Variants in CALN1 observed in about 807,000 individuals in gnomAD.
CALN1 encodes calcium-binding protein 8.
A neutral mutation model predicts 30.6 loss-of-function variants in CALN1; 17 were observed. The observed-to-expected ratio is 0.56, with a 90% CI of 0.38 to 0.83. The LOEUF is 0.83. CALN1 is among the 40% of genes least tolerant of loss of function. CALN1 has a pLI of 0.00. For missense variants in CALN1, 291 were observed against 354.9 expected, an observed-to-expected ratio of 0.82 and a Z score of 1.45; for synonymous variants, 156 against 131.4, an observed-to-expected ratio of 1.19 and a Z score of -1.28.
Position 71,974,043 on chromosome 7 carries a change from A to G in CALN1, c.501+49614T>C, listed in dbSNP as rs548524435. ...AGTAGTCCAGGCTGGCCTTCCCTGC[A>G]TAGTCTGAATTGATGTAATTCAACC... On this transcript the variant is annotated intron_variant, in intron 5 of 6. Transcript: ENST00000395275. 1.1e-4 allele frequency among the ~76,000 whole-genome samples: 17 copies of G among 152,328 alleles called. 1 individual carries two copies. In the South Asian group the frequency reaches 3.3e-3, roughly 30 times the overall value.
At chr7:71,821,149 AGAT>A (rs1788563047) in intron 5 of CALN1, among the ~76,000 whole-genome samples, 2 of 152,214 alleles carry the variant, frequency 1.3e-5, no homozygotes, top group South Asian at 4.1e-4. Context: ...ATTTGCATAC[AGAT>A]GATGATAAAG....
At chr7:72,216,799 T>C (rs1307480160) in intron 3 of CALN1, among the ~76,000 whole-genome samples, 3 of 152,186 alleles carry the variant, frequency 2.0e-5, no homozygotes, top group Non-Finnish European at 4.4e-5. Context: ...TCACCCAGGC[T>C]GGAGTTCAGT....
chr7:72,108,454 T>C (rs928911703), intron 3 of CALN1, among the ~76,000 whole-genome samples: 1 of 152,230 alleles, frequency 6.6e-6, no homozygotes, highest in African/African-American at 2.4e-5. Flanking sequence ...CTTCTTCTTT[T>C]CCCTGCCCAA....
chr7:72,141,241 A>G (rs764133336), intron 3 of CALN1, among the ~76,000 whole-genome samples: 4 of 152,098 alleles, frequency 2.6e-5, no homozygotes, highest in African/African-American at 4.8e-5. Flanking sequence ...GCAGTGAGCC[A>G]TGATTGCACC....
the CALN1 span, among the ~76,000 whole-genome samples, chr7:72,475,229 C>T: frequency 2.6e-5 from 4 of 152,072 alleles, no homozygotes; most frequent in South Asian, 4.2e-4. Flanking sequence ...TTTGGGAGGT[C>T]GAGGCGGGTG....
At position 72,171,587 on chromosome 7, in the gene CALN1, G is replaced by C. The variant is rs78944034; in HGVS notation, c.245-65293C>G. ...CTGAAAACCTGTATTATTTAGCCTCGTATGTTCTCAGTACAAACTTGTTCA... is the reference window on the plus strand; with the variant it reads ...CTGAAAACCTGTATTATTTAGCCTCCTATGTTCTCAGTACAAACTTGTTCA... On this transcript the variant is annotated intron_variant, in intron 3 of 6. Transcript: ENST00000395275. Among the ~76,000 whole-genome samples the C allele has an allele frequency of 3.3e-3, 501 of 152,158 alleles. 2 individuals carry two copies. The highest frequency in any genetic ancestry group is 0.01 in the African/African-American group (425 of 41,502).
At chr7:72,330,244 G>A (rs1037195256) in intron 2 of CALN1, among the ~76,000 whole-genome samples, 5 of 152,046 alleles carry the variant, frequency 3.3e-5, no homozygotes, top group African/African-American at 1.2e-4. Context: ...AGGGAGTTGA[G>A]ATCATGCCAC....
intron 2 of CALN1, among the ~76,000 whole-genome samples, chr7:72,298,792 T>G (rs1799039802): frequency 9.2e-6 from 1 of 108,574 alleles, no homozygotes. Flanking sequence ...TCTCAAGAGA[T>G]CTGATGGTTT....
chr7:72,322,462 C>G (rs1800954866), intron 2 of CALN1, among the ~76,000 whole-genome samples: 1 of 152,110 alleles, frequency 6.6e-6, no homozygotes, highest in African/African-American at 2.4e-5. Context: ...GGGTTGGGGA[C>G]TTGTTTAGAC....
chr7:71,801,421 T>TATGC (rs1453109698), intron 6 of CALN1, among the ~76,000 whole-genome samples: 2 of 113,646 alleles, frequency 1.8e-5, no homozygotes, highest in African/African-American at 5.8e-5. Flanking sequence ...TGTATGTATG[T>TATGC]ATGTATGTAT....
chr7:72,164,529 G>C (rs1004094454), intron 3 of CALN1, among the ~76,000 whole-genome samples: 1 of 152,172 alleles, frequency 6.6e-6, no homozygotes, highest in Non-Finnish European at 1.5e-5. Context: ...GCAGGTGTTA[G>C]AGGAACCACA....
chr7:72,314,199 C>A (rs1039353571), intron 2 of CALN1, among the ~76,000 whole-genome samples: 1 of 152,148 alleles, frequency 6.6e-6, no homozygotes, highest in East Asian at 1.9e-4. Flanking sequence ...CCCTCCCTGA[C>A]GGCAGAATTC....
chr7:72,486,605 T>C, the CALN1 span, among the ~76,000 whole-genome samples: 1 of 152,118 alleles, frequency 6.6e-6, no homozygotes, highest in African/African-American at 2.4e-5. Context: ...ACTCCTGACC[T>C]CAAGTAATCC....
intron 3 of CALN1, among the ~76,000 whole-genome samples, chr7:72,217,674 T>C (rs1792933263): frequency 6.6e-6 from 1 of 151,890 alleles, no homozygotes; most frequent in Non-Finnish European, 1.5e-5. Flanking sequence ...CTGACAAACT[T>C]GGTGACCTTA....
intron 2 of CALN1, among the ~76,000 whole-genome samples, chr7:72,308,288 AG>A (rs1427687310): frequency 6.9e-6 from 1 of 145,494 alleles, no homozygotes; most frequent in African/African-American, 2.5e-5. Context: ...CATTTGAACC[AG>A]GGAGAAGGAG....
At position 72,338,470 on chromosome 7, in the gene CALN1, A is replaced by AGAGAGT. The variant is rs1031551970; in HGVS notation, c.120-59661_120-59660insACTCTC. 2.7e-4 allele frequency among the ~76,000 whole-genome samples: 20 copies of AGAGAGT among 74,804 alleles called. No individual in the cohort carries two copies. The East Asian group carries it at 7.5e-3, about 28-fold the overall frequency. 49.1% of individuals were successfully genotyped at this position (74,804 alleles called of 152,430 possible). A position where few individuals can be genotyped will look rare whatever the true frequency, so the allele number is the denominator to read the frequency against. ...GGGCGTTTTTGTCAGCCAGCAGCAC[A>AGAGAGT]GTGTGTGTGTGTGTGTGTGTGTGTG... On this transcript the variant is annotated intron_variant, in intron 2 of 6. Transcript: ENST00000395275.
chr7:72,345,451 CAAA>C (rs758488164), intron 2 of CALN1, among the ~76,000 whole-genome samples: 1 of 125,520 alleles, frequency 8.0e-6, no homozygotes, highest in Non-Finnish European at 1.6e-5. Context: ...GAGAGAAAGA[CAAA>C]AAGACAAAAG....
intron 5 of CALN1, among the ~76,000 whole-genome samples, chr7:71,818,682 T>G (rs1047789135): frequency 7.2e-6 from 1 of 138,914 alleles, no homozygotes; most frequent in Non-Finnish European, 1.6e-5. Flanking sequence ...TTTTATTTAT[T>G]TATTTATTTA....
At chr7:72,253,352 G>A (rs2129552219) in intron 3 of CALN1, among the ~76,000 whole-genome samples, 1 of 152,278 alleles carries the variant, frequency 6.6e-6, no homozygotes, top group South Asian at 2.1e-4. Flanking sequence ...GTGAGTCAAG[G>A]TGTGATTCTG....
Sources: gnomAD v4.1 joint callset for allele counts (sites outside exome capture counted in the v4.1 genomes callset) on GRCh38, gnomAD v4.1.1 for gene constraint, MANE v1.5 for transcripts, NCBI Gene and HGNC (gene_info 2026-07-23, HGNC 2026-07-21) for gene names.